CLIC2: variants seen among roughly 807,000 people sequenced by gnomAD.
The protein encoded by CLIC2 is chloride intracellular channel protein 2.
Under a neutral mutation model 14.8 loss-of-function variants are expected in CLIC2, and 9 were observed. The observed-to-expected ratio is 0.61, with a 90% CI of 0.37 to 1.06. CLIC2 has a LOEUF of 1.06. Ranked by LOEUF, CLIC2 falls within the 50% of genes least tolerant of loss-of-function variation. The probability of loss-of-function intolerance (pLI) is 0.01; values close to 1 mark genes in which losing one functional copy is unlikely to be tolerated. For missense variants in CLIC2, 148 were observed against 181.4 expected (o/e 0.82, Z 1.06); for synonymous variants, 61 against 66.3 (o/e 0.92, Z 0.39).
intron 3 of CLIC2, among the ~76,000 whole-genome samples, chrX:155,291,586 T>C (rs4893113): frequency 0.56 from 62,135 of 111,086 alleles, 14,443 homozygotes; most frequent in Middle Eastern, 0.77. Flanking sequence ...CATCCTTGTC[T>C]TGTGCCTCTT....
Position 155,280,047 on chromosome X carries a change from C to T in CLIC2, c.315G>A (p.Lys105=), listed in dbSNP as rs781858549. Residue 105 remains lysine, a synonymous_variant, in exon 4 of 6, where the codon AAG becomes AAA. Coordinates refer to ENST00000369449, the MANE Select transcript of CLIC2 (RefSeq NM_001289.6). Reference sequence around the variant, plus strand: ...AGCCCACATCAAAAGACTCCTTGTACTTGGGACTCAGGTGAGGGTACCTTA... The same window carrying T: ...AGCCCACATCAAAAGACTCCTTGTATTTGGGACTCAGGTGAGGGTACCTTA... ...APPRYPHLSP[K]YKESFDVGCN... is the part of the protein sequence containing the mutation. 1 of 1,203,374 alleles carries T rather than the reference C, an allele frequency of 8.3e-7. No individual in the cohort carries two copies. Among genetic ancestry groups the T allele is most frequent in the South Asian group, 1.8e-5 (1 of 56,811 alleles).
chrX:155,290,547 A>T, intron 3 of CLIC2: 3 of 581,075 alleles, frequency 5.2e-6, no homozygotes, highest in South Asian at 4.5e-5. Context: ...AATTTCTAGC[A>T]GAGGGCTCTT....
At position 155,316,251 on chromosome X, in the gene CLIC2, C is replaced by T. The variant is rs1856258; in HGVS notation, c.58-17106G>A. On this transcript the variant is annotated intron_variant, in intron 1 of 5. Transcript: ENST00000369449. ...ATAAACCATCAACTTAAACTATACC[C>T]TAAAACAAATGGACTTAACAGATAT... Among the ~76,000 whole-genome samples, 46 of 111,701 alleles carry T rather than the reference C, an allele frequency of 4.1e-4. No homozygotes were observed. In the East Asian group the frequency reaches 0.012, roughly 28 times the overall value.
intron 1 of CLIC2, among the ~76,000 whole-genome samples, chrX:155,316,868 T>C (rs1461702317): frequency 9.0e-6 from 1 of 110,816 alleles, no homozygotes; most frequent in Non-Finnish European, 1.9e-5. Context: ...TTTATATTTT[T>C]CTGCCTACTT....
chrX:155,293,069 C>A, intron 3 of CLIC2: 1 of 618,672 alleles, frequency 1.6e-6, no homozygotes, highest in Non-Finnish European at 2.8e-6. Context: ...GAGCTCCCTG[C>A]TCTAGACAGT....
intron 3 of CLIC2, among the ~76,000 whole-genome samples, chrX:155,281,330 T>C (rs1290666106): frequency 9.1e-6 from 1 of 109,928 alleles, no homozygotes; most frequent in African/African-American, 3.3e-5. Context: ...ACTGAAAATT[T>C]GCAAAGGGTA....
Position 155,293,075 on chromosome X carries a change from A to G in CLIC2, c.293+5710T>C, listed in dbSNP as rs1197163908. 4.9e-6 allele frequency: 3 copies of G among 617,409 alleles called. No individual in the cohort carries two copies. The African/African-American group carries it at 6.6e-5, about 14-fold the overall frequency. The allele number at this position is 617,409 out of a possible 1,213,427, so 50.9% of individuals were successfully genotyped here. On this transcript the variant is annotated intron_variant, in intron 3 of 5. Coordinates refer to ENST00000369449, the MANE Select transcript of CLIC2 (RefSeq NM_001289.6). ...CTGGATCCTGAGCTCCCTGCTCTAG[A>G]CAGTGACGGTGATTCAGATGACGGC...
chrX:155,295,768 CAATAGCTAAAAATTAA>C (rs1239604145), intron 3 of CLIC2, among the ~76,000 whole-genome samples: 1 of 110,556 alleles, frequency 9.0e-6, no homozygotes, highest in Non-Finnish European at 1.9e-5. Flanking sequence ...ATTCCATTTA[CAATAGCTAAAAATTAA>C]AATATCTAGG....
chrX:155,293,124 G>A (rs1036254812), intron 3 of CLIC2: 13 of 624,487 alleles, frequency 2.1e-5, no homozygotes, highest in Non-Finnish European at 3.3e-5. Context: ...GTGATGAGAA[G>A]CGGAAAAATA....
At chrX:155,299,874 A>C (rs1365456726) in intron 1 of CLIC2, among the ~76,000 whole-genome samples, 3 of 107,151 alleles carry the variant, frequency 2.8e-5, no homozygotes, top group African/African-American at 1.0e-4. Flanking sequence ...ATGATTTCCA[A>C]TTTCATCCAT....
intron 1 of CLIC2, among the ~76,000 whole-genome samples, chrX:155,300,686 T>C (rs1274577164): frequency 1.2e-3 from 129 of 104,562 alleles, no homozygotes; most frequent in African/African-American, 4.4e-3. Context: ...GCCTAGGTTT[T>C]CTTCTAGGGT....
At chrX:155,284,721 C>G (rs1341373832) in intron 3 of CLIC2, among the ~76,000 whole-genome samples, 4 of 111,838 alleles carry the variant, frequency 3.6e-5, no homozygotes, top group African/African-American at 1.3e-4. Flanking sequence ...AAAAGGTAAA[C>G]CATTGAGGTA....
chrX:155,329,153 A>G (rs1249973181), intron 1 of CLIC2, among the ~76,000 whole-genome samples: 1 of 110,570 alleles, frequency 9.0e-6, no homozygotes, highest in Admixed American at 9.6e-5. Context: ...GGAATCAACA[A>G]TGTGCAAAGA....
intron 3 of CLIC2, among the ~76,000 whole-genome samples, chrX:155,294,284 T>A (rs1385520367): frequency 9.0e-6 from 1 of 111,260 alleles, no homozygotes; most frequent in Non-Finnish European, 1.9e-5. Context: ...TACATAAAAA[T>A]TAACCAACAT....
chrX:155,308,376 A>G (rs1229321973), intron 1 of CLIC2, among the ~76,000 whole-genome samples: 2 of 110,707 alleles, frequency 1.8e-5, no homozygotes, highest in African/African-American at 3.3e-5. Flanking sequence ...AAAAAAGAAA[A>G]AAATCATAAA....
intron 1 of CLIC2, among the ~76,000 whole-genome samples, chrX:155,308,354 C>T (rs782686640): frequency 1.8e-5 from 2 of 109,261 alleles, no homozygotes; most frequent in Non-Finnish European, 1.9e-5. Context: ...TATTTTAAAA[C>T]ACACAGACGA....
At chrX:155,303,079 G>A (rs1461643853) in intron 1 of CLIC2, among the ~76,000 whole-genome samples, 1 of 95,560 alleles carries the variant, frequency 1.0e-5, no homozygotes, top group Non-Finnish European at 2.1e-5. Context: ...GGAGAGTTCT[G>A]TAGATGTCTA....
At chrX:155,315,447 C>T (rs2075091612) in intron 1 of CLIC2, among the ~76,000 whole-genome samples, 1 of 111,607 alleles carries the variant, frequency 9.0e-6, no homozygotes, top group Non-Finnish European at 1.9e-5. Context: ...GAATTGGGGT[C>T]CTATTTTTAG....
intron 1 of CLIC2, among the ~76,000 whole-genome samples, chrX:155,327,075 C>T (rs1444823523): frequency 1.8e-5 from 2 of 111,019 alleles, no homozygotes; most frequent in Non-Finnish European, 3.8e-5. Flanking sequence ...TTAAGGGAAA[C>T]TTGGTAAAGG....
Sources: gnomAD v4.1 joint callset for allele counts (sites outside exome capture counted in the v4.1 genomes callset) on GRCh38, gnomAD v4.1.1 for gene constraint, MANE v1.5 for transcripts, NCBI Gene and HGNC (gene_info 2026-07-23, HGNC 2026-07-21) for gene names.